Variants in ALK observed in about 807,000 individuals in gnomAD.
ALK encodes the protein ALK receptor tyrosine kinase, also known as ALK tyrosine kinase receptor.
Under a neutral mutation model 163.1 loss-of-function variants are expected in ALK, and 74 were observed. The ratio of observed to expected loss-of-function variants is 0.45; its 90% CI spans 0.38 to 0.55. ALK has a LOEUF of 0.55. Among genes scored for constraint, ALK ranks in the 20% least tolerant of loss-of-function variants. The pLI, the probability that ALK is intolerant of heterozygous loss-of-function variation, is 0.00. For missense variants in ALK, 2,063 were observed against 2,105.3 expected, an observed-to-expected ratio of 0.98 and a Z score of 0.39; for synonymous variants, 960 against 843.2, an observed-to-expected ratio of 1.14 and a Z score of -2.40.
At chr2:29,357,333 C>A (rs1197024763) in intron 5 of ALK, among the ~76,000 whole-genome samples, 1 of 152,194 alleles carries the variant, frequency 6.6e-6, no homozygotes, top group Non-Finnish European at 1.5e-5. Context: ...ATCTGGAATA[C>A]CCTGCACATC....
intron 1 of ALK, among the ~76,000 whole-genome samples, chr2:29,722,601 A>C (rs1159745894): frequency 6.6e-6 from 1 of 152,198 alleles, no homozygotes; most frequent in Non-Finnish European, 1.5e-5. Flanking sequence ...AAGTTGAAGA[A>C]CTTGGGAATT....
rs1052909748 is a variant in ALK at position 29,828,547 on chromosome 2, A to C, written c.667+91446T>G. On this transcript the variant is annotated intron_variant, in intron 1 of 28. Transcript: ENST00000389048. ...CAAAAGAAGACATTTATGCAGCCAA[A>C]AGACACATGAAAAAATGCTCACCAT... Among the ~76,000 whole-genome samples, 88 of 152,348 alleles carry C rather than the reference A, an allele frequency of 5.8e-4. 1 individual carries two copies. The highest frequency in any genetic ancestry group is 1.8e-3 in the African/African-American group (76 of 41,580).
intron 1 of ALK, among the ~76,000 whole-genome samples, chr2:29,897,533 G>A (rs966764961): frequency 2.0e-5 from 3 of 152,078 alleles, no homozygotes; most frequent in Admixed American, 2.0e-4. Flanking sequence ...CCCCAGGGAG[G>A]ATTCTCTTGG....
At chr2:29,203,153 A>G (rs79796655) in intron 26 of ALK, among the ~76,000 whole-genome samples, 192 of 152,262 alleles carry the variant, frequency 1.3e-3, no homozygotes, top group Non-Finnish European at 2.2e-3. Flanking sequence ...CTGATGGACC[A>G]CACTTAGAGA....
chr2:29,373,051 C>T (rs1206174691), intron 5 of ALK, among the ~76,000 whole-genome samples: 2 of 152,130 alleles, frequency 1.3e-5, no homozygotes, highest in East Asian at 1.9e-4. Context: ...AAACATCTTC[C>T]CAAGCCCCTT....
chr2:29,350,211 A>T (rs1477045623), intron 5 of ALK, among the ~76,000 whole-genome samples: 1 of 152,238 alleles, frequency 6.6e-6, no homozygotes, highest in Non-Finnish European at 1.5e-5. Flanking sequence ...AGAGCATTCT[A>T]TGTGAGGTCT....
intron 3 of ALK, among the ~76,000 whole-genome samples, chr2:29,621,415 C>T (rs1351123657): frequency 6.6e-6 from 1 of 152,212 alleles, no homozygotes; most frequent in Non-Finnish European, 1.5e-5. Context: ...CCCTCATCCT[C>T]CCAGCCTCTG....
chr2:29,502,538 G>A (rs1016191535), intron 4 of ALK, among the ~76,000 whole-genome samples: 2 of 152,026 alleles, frequency 1.3e-5, no homozygotes, highest in African/African-American at 4.8e-5. Flanking sequence ...CTCCCCCAAT[G>A]TAAATTGCCA....
intron 4 of ALK, among the ~76,000 whole-genome samples, chr2:29,498,350 CAAT>C (rs1264082339): frequency 6.8e-6 from 1 of 147,734 alleles, no homozygotes; most frequent in African/African-American, 2.5e-5. Context: ...AAAAATGAAA[CAAT>C]AAAATTTTGA....
At chr2:29,256,421 G>A (rs1210567769) in intron 11 of ALK, among the ~76,000 whole-genome samples, 1 of 152,138 alleles carries the variant, frequency 6.6e-6, no homozygotes, top group Admixed American at 6.5e-5. Context: ...GTAGTGCTGC[G>A]AGTGGAGTTA....
At chr2:29,400,861 G>C (rs530935635) in intron 4 of ALK, among the ~76,000 whole-genome samples, 17 of 152,078 alleles carry the variant, frequency 1.1e-4, no homozygotes, top group Non-Finnish European at 2.1e-4. Flanking sequence ...TGTAGCCCCA[G>C]CTACTTGGGA....
chr2:29,701,213 A>C (rs559376481), intron 2 of ALK, among the ~76,000 whole-genome samples: 1 of 152,348 alleles, frequency 6.6e-6, no homozygotes, highest in Non-Finnish European at 1.5e-5. Context: ...CCCTTGGATC[A>C]AGGCCCTTTA....
At chr2:29,265,343 G>A (rs1665194428) in intron 11 of ALK, among the ~76,000 whole-genome samples, 2 of 152,122 alleles carry the variant, frequency 1.3e-5, no homozygotes, top group Non-Finnish European at 2.9e-5. Context: ...AAGAAAACAC[G>A]TGAGTCCTAC....
At chr2:29,469,037 C>G (rs1313458381) in intron 4 of ALK, among the ~76,000 whole-genome samples, 1 of 151,928 alleles carries the variant, frequency 6.6e-6, no homozygotes, top group Non-Finnish European at 1.5e-5. Flanking sequence ...AATAATGGAA[C>G]ACTAGGCATA....
chr2:29,334,698 G>T (rs10171502), intron 5 of ALK, among the ~76,000 whole-genome samples: 2,362 of 152,260 alleles, frequency 0.016, 46 homozygotes, highest in African/African-American at 0.053. Context: ...TTTCAGCACT[G>T]CTACCAACTC....
chr2:29,805,432 A>G (rs912129237), intron 1 of ALK, among the ~76,000 whole-genome samples: 23 of 152,338 alleles, frequency 1.5e-4, no homozygotes, highest in African/African-American at 5.1e-4. Flanking sequence ...TGCTGCATGT[A>G]TCAACCCATC....
intron 1 of ALK, among the ~76,000 whole-genome samples, chr2:29,767,990 T>G (rs1004014077): frequency 2.6e-5 from 4 of 152,182 alleles, no homozygotes; most frequent in Admixed American, 2.6e-4. Context: ...CGGGTGACAG[T>G]TGGTGCCTAG....
At chr2:29,564,845 G>T (rs1674134287) in intron 3 of ALK, among the ~76,000 whole-genome samples, 1 of 152,010 alleles carries the variant, frequency 6.6e-6, no homozygotes, top group East Asian at 1.9e-4. Context: ...TTCCTGCATG[G>T]TTATTTTCTA....
intron 1 of ALK, among the ~76,000 whole-genome samples, chr2:29,792,292 CCAGTGGAGACTCCAGAAA>C (rs1353594776): frequency 6.6e-6 from 1 of 152,054 alleles, no homozygotes; most frequent in Non-Finnish European, 1.5e-5. Flanking sequence ...ATGGAACATT[CCAGTGGAGACTCCAGAAA>C]CAGACTCAGG....
Sources: gnomAD v4.1 joint callset for allele counts (sites outside exome capture counted in the v4.1 genomes callset) on GRCh38, gnomAD v4.1.1 for gene constraint, MANE v1.5 for transcripts, NCBI Gene and HGNC (gene_info 2026-07-23, HGNC 2026-07-21) for gene names.